MLLT3: variants seen among roughly 807,000 people sequenced by gnomAD.
The protein encoded by MLLT3 is protein AF-9.
A neutral mutation model predicts 53.2 loss-of-function variants in MLLT3; 4 were observed. The observed-to-expected ratio is 0.08, with a 90% CI of 0.04 to 0.17. The LOEUF (loss-of-function observed/expected upper bound fraction) is 0.17, where lower values mean the gene tolerates loss of function less well. Among genes scored for constraint, MLLT3 ranks in the 10% least tolerant of loss-of-function variants. The pLI is 1.00. For missense variants in MLLT3, 569 were observed against 684.0 expected, an observed-to-expected ratio of 0.83 and a Z score of 1.87; for synonymous variants, 283 against 230.6, an observed-to-expected ratio of 1.23 and a Z score of -2.06.
chr9:20,347,162 G>A (rs1820896153), intron 10 of MLLT3, among the ~76,000 whole-genome samples: 1 of 151,898 alleles, frequency 6.6e-6, no homozygotes, highest in African/African-American at 2.4e-5. Flanking sequence ...GGGCTCAAGG[G>A]AGCCTTCTAG....
At chr9:20,542,205 C>A (rs1484372950) in intron 2 of MLLT3, among the ~76,000 whole-genome samples, 1 of 150,108 alleles carries the variant, frequency 6.7e-6, no homozygotes, top group African/African-American at 2.5e-5. Context: ...CACAGCTCTT[C>A]TGTAACCAGG....
intron 4 of MLLT3, among the ~76,000 whole-genome samples, chr9:20,446,126 AT>A (rs1483317733): frequency 6.6e-6 from 1 of 152,182 alleles, no homozygotes; most frequent in African/African-American, 2.4e-5. Context: ...AATTATTATG[AT>A]TTTTAATGAA....
chr9:20,557,389 A>G (rs184595818), intron 2 of MLLT3, among the ~76,000 whole-genome samples: 41 of 152,266 alleles, frequency 2.7e-4, no homozygotes, highest in Admixed American at 7.8e-4. Flanking sequence ...TTAAAATGGG[A>G]ATTATAATCA....
At chr9:20,434,714 T>C (rs1213516541) in intron 4 of MLLT3, among the ~76,000 whole-genome samples, 1 of 152,158 alleles carries the variant, frequency 6.6e-6, no homozygotes, top group Non-Finnish European at 1.5e-5. Flanking sequence ...GCAGTGGTTT[T>C]CTCTCAAAAA....
At chr9:20,454,708 G>C (rs183932718) in intron 3 of MLLT3, among the ~76,000 whole-genome samples, 7 of 152,236 alleles carry the variant, frequency 4.6e-5, no homozygotes, top group South Asian at 4.1e-4. Flanking sequence ...TGTGACAAGA[G>C]GGAAGAAAAG....
intron 8 of MLLT3, among the ~76,000 whole-genome samples, chr9:20,355,496 T>C (rs1332771604): frequency 1.3e-5 from 2 of 152,230 alleles, no homozygotes; most frequent in Non-Finnish European, 2.9e-5. Context: ...ACTTAAGTTA[T>C]GAATAGCTTT....
At chr9:20,357,460 A>G (rs1821198518) in intron 8 of MLLT3, among the ~76,000 whole-genome samples, 1 of 152,238 alleles carries the variant, frequency 6.6e-6, no homozygotes, top group South Asian at 2.1e-4. Flanking sequence ...CTCTGAAAAT[A>G]GAAGAATTGT....
chr9:20,413,961 G>C lies in MLLT3; in HGVS notation c.885C>G (p.Ala295=), dbSNP rs1297025252. Residue 295 remains alanine (A), a synonymous_variant, in exon 5 of 11, where the codon GCC becomes GCG. Transcript: ENST00000380338. ...CTGAGCTACTCTTTTTCCTTTTTTT[G>C]GCTGAGAGTTCTTCAGAATCTGAAA... ...PPISDSEELS[A]KKRKKSSSEA... 1.2e-6 allele frequency: 2 copies of C among 1,610,646 alleles called. No homozygotes were observed. The highest frequency in any genetic ancestry group is 2.2e-5 in the South Asian group (2 of 90,596).
intron 4 of MLLT3, among the ~76,000 whole-genome samples, chr9:20,417,827 AG>A (rs939071257): frequency 2.0e-5 from 3 of 152,194 alleles, no homozygotes; most frequent in African/African-American, 7.2e-5. Flanking sequence ...GGAGGACTTA[AG>A]AAAAAAATCA....
At chr9:20,531,286 C>T (rs183502229) in intron 2 of MLLT3, among the ~76,000 whole-genome samples, 38 of 152,062 alleles carry the variant, frequency 2.5e-4, no homozygotes, top group Admixed American at 1.0e-3. Flanking sequence ...CAGGCGTATG[C>T]CACCACGCCC....
At chr9:20,605,365 C>T (rs1435031627) in intron 2 of MLLT3, among the ~76,000 whole-genome samples, 1 of 151,924 alleles carries the variant, frequency 6.6e-6, no homozygotes, top group African/African-American at 2.4e-5. Context: ...AGACATCTAG[C>T]TAATTGGGAC....
At chr9:20,555,822 A>C (rs1819043548) in intron 2 of MLLT3, among the ~76,000 whole-genome samples, 1 of 152,236 alleles carries the variant, frequency 6.6e-6, no homozygotes, top group African/African-American at 2.4e-5. Context: ...TAGACGTCTA[A>C]AAGGGAACAA....
intron 4 of MLLT3, among the ~76,000 whole-genome samples, chr9:20,431,300 C>G (rs1823262661): frequency 6.6e-6 from 1 of 152,054 alleles, no homozygotes; most frequent in African/African-American, 2.4e-5. Context: ...CACCCTAGAC[C>G]TACTAAATAA....
intron 2 of MLLT3, among the ~76,000 whole-genome samples, chr9:20,485,180 G>C (rs1824776918): frequency 6.6e-6 from 1 of 151,884 alleles, no homozygotes; most frequent in African/African-American, 2.4e-5. Context: ...GTAGAGACGG[G>C]GTTTCACCAT....
chr9:20,464,156 C>T (rs1358619100), intron 2 of MLLT3, among the ~76,000 whole-genome samples: 1 of 150,306 alleles, frequency 6.7e-6, no homozygotes, highest in African/African-American at 2.5e-5. Flanking sequence ...CGAGCCATTG[C>T]TAAAACTGGA....
intron 2 of MLLT3, among the ~76,000 whole-genome samples, chr9:20,490,509 G>C (rs979845316): frequency 6.6e-6 from 1 of 152,300 alleles, no homozygotes; most frequent in African/African-American, 2.4e-5. Flanking sequence ...AGAGACCTCA[G>C]CCCCACAGCC....
intron 2 of MLLT3, among the ~76,000 whole-genome samples, chr9:20,473,315 A>G (rs1278688902): frequency 6.6e-6 from 1 of 152,156 alleles, no homozygotes; most frequent in Non-Finnish European, 1.5e-5. Flanking sequence ...TTTTTAAAGG[A>G]GCATGATGTA....
intron 2 of MLLT3, among the ~76,000 whole-genome samples, chr9:20,578,162 C>T (rs542017157): frequency 1.4e-4 from 22 of 152,286 alleles, no homozygotes; most frequent in African/African-American, 5.3e-4. Flanking sequence ...TTTGGAGGAT[C>T]TGTACTACAG....
intron 2 of MLLT3, among the ~76,000 whole-genome samples, chr9:20,559,386 G>A (rs552131192): frequency 3.3e-5 from 5 of 152,278 alleles, no homozygotes; most frequent in African/African-American, 1.2e-4. Context: ...TGTTCAAGTT[G>A]CCATTCCAGT....
Sources: gnomAD v4.1 joint callset for allele counts (sites outside exome capture counted in the v4.1 genomes callset) on GRCh38, gnomAD v4.1.1 for gene constraint, MANE v1.5 for transcripts, NCBI Gene and HGNC (gene_info 2026-07-23, HGNC 2026-07-21) for gene names.